COLEC12: variants seen among roughly 807,000 people sequenced by gnomAD.
COLEC12 encodes collectin-12.
COLEC12 carries 33 observed loss-of-function variants against 71.1 expected under a neutral mutation model. That is an observed-to-expected ratio of 0.46 (90% CI 0.35 to 0.62). The LOEUF is 0.62. Among genes scored for constraint, COLEC12 ranks in the 20% least tolerant of loss-of-function variants. The pLI, the probability that COLEC12 is intolerant of heterozygous loss-of-function variation, is 0.00. For missense variants in COLEC12, 765 were observed against 916.1 expected, an observed-to-expected ratio of 0.84 and a Z score of 2.13; for synonymous variants, 350 against 353.0, an observed-to-expected ratio of 0.99 and a Z score of 0.10.
chr18:336,824 C>G (rs1181553250), intron 5 of COLEC12, among the ~76,000 whole-genome samples: 2 of 152,078 alleles, frequency 1.3e-5, no homozygotes, highest in Non-Finnish European at 1.5e-5. Context: ...AAAGGCCACA[C>G]TTAATCTCTC....
At chr18:391,724 C>T (rs906620783) in intron 2 of COLEC12, among the ~76,000 whole-genome samples, 4 of 152,242 alleles carry the variant, frequency 2.6e-5, no homozygotes, top group Admixed American at 2.6e-4. Flanking sequence ...CCACCACACA[C>T]CAAGTTATTT....
intron 1 of COLEC12, among the ~76,000 whole-genome samples, chr18:495,505 A>T (rs754572016): frequency 6.6e-5 from 10 of 152,224 alleles, no homozygotes; most frequent in Non-Finnish European, 1.2e-4. Context: ...AATCAGCGGT[A>T]AGCAAAACCT....
intron 2 of COLEC12, among the ~76,000 whole-genome samples, chr18:410,750 G>A (rs1915877202): frequency 6.6e-6 from 1 of 151,698 alleles, no homozygotes; most frequent in South Asian, 2.1e-4. Context: ...GACTTATAGT[G>A]AAGAAGACAA....
chr18:319,343 TA>T lies in COLEC12; in HGVS notation c.*701del, dbSNP rs1913639426. 5.7e-5 allele frequency: 2 copies of T among 35,314 alleles called. No individual in the cohort carries two copies. The highest frequency in any genetic ancestry group is 1.7e-4 in the Non-Finnish European group (2 of 12,072). 2.2% of individuals were successfully genotyped at this position (35,314 alleles called of 1,614,324 possible). On this transcript the variant is annotated 3_prime_UTR_variant, in exon 10 of 10. Transcript: ENST00000400256. ...CATTAAAAAAAAAAAAAAAAAAAAA[TA>T]TATATATATATATATATATACACAT...
chr18:493,907 C>T (rs1303670264), intron 1 of COLEC12, among the ~76,000 whole-genome samples: 1 of 152,102 alleles, frequency 6.6e-6, no homozygotes, highest in Non-Finnish European at 1.5e-5. Context: ...CATATCCTTA[C>T]TGGATAAAAC....
chr18:358,726 G>T (rs908290534), intron 2 of COLEC12, among the ~76,000 whole-genome samples: 1 of 152,132 alleles, frequency 6.6e-6, no homozygotes, highest in African/African-American at 2.4e-5. Context: ...GGGGACCTCT[G>T]GTATAGACTA....
intron 2 of COLEC12, among the ~76,000 whole-genome samples, chr18:392,112 A>G (rs939466554): frequency 6.6e-6 from 1 of 152,194 alleles, no homozygotes. Context: ...CTCCGTGAAC[A>G]AAGAGCATCC....
rs2143390826 is a variant in COLEC12 at position 318,446 on chromosome 18, A to G, written c.*1599T>C. On this transcript the variant is annotated 3_prime_UTR_variant, in exon 10 of 10. Transcript: ENST00000400256. ...TATTAGACTTTCCAACAGCAAGTCA[A>G]GGAAAGTCAAGGAGCGAAAGGAAGA... The G allele has an allele frequency of 6.6e-6, 1 of 151,542 alleles. No homozygotes were observed. Among genetic ancestry groups the G allele is most frequent in the East Asian group, 1.9e-4 (1 of 5,162 alleles). The allele number at this position is 151,542 out of a possible 1,614,324, so 9.4% of individuals were successfully genotyped here.
intron 5 of COLEC12, among the ~76,000 whole-genome samples, chr18:339,030 C>T (rs1410068085): frequency 5.4e-5 from 8 of 148,934 alleles, no homozygotes; most frequent in Admixed American, 4.0e-4. Flanking sequence ...TTCTCCATCA[C>T]TCACATCTGG....
In COLEC12 at chr18:317,225, TAAAAAC is replaced by T. The variant is rs1037956444; in HGVS notation, c.*2814_*2819del. 2.0e-5 allele frequency: 3 copies of T among 152,126 alleles called. No individual in the cohort carries two copies. The highest frequency in any genetic ancestry group is 2.9e-5 in the Non-Finnish European group (2 of 68,032). The allele number at this position is 152,126 out of a possible 1,614,324, so 9.4% of individuals were successfully genotyped here. A position where few individuals can be genotyped will look rare whatever the true frequency, so the allele number is the denominator to read the frequency against. Reference sequence around the variant, plus strand: ...TGGGTGACAGAGCGAGACTCTGTCTTAAAAACAAAAACAAACAAAAAAGAAACCTGG... The same window carrying T: ...TGGGTGACAGAGCGAGACTCTGTCTTAAAAACAAACAAAAAAGAAACCTGG... On this transcript the variant is annotated 3_prime_UTR_variant, in exon 10 of 10. Coordinates refer to ENST00000400256, the MANE Select transcript of COLEC12 (RefSeq NM_130386.3).
chr18:428,829 A>T (rs1916245754), intron 2 of COLEC12, among the ~76,000 whole-genome samples: 1 of 151,938 alleles, frequency 6.6e-6, no homozygotes, highest in East Asian at 1.9e-4. Flanking sequence ...ATTCAATTAC[A>T]TCAGGTCAAA....
rs74257626 is a variant in COLEC12 at position 340,815 on chromosome 18, G to A, written c.1327+5480C>T. On this transcript the variant is annotated intron_variant, in intron 5 of 9. Coordinates refer to ENST00000400256, the MANE Select transcript of COLEC12 (RefSeq NM_130386.3). Reference sequence around the variant, plus strand: ...GCCTACCATAGGAAAAAGTCATTGCGCTTCACTGAGGTGAAAAGGAATGTA... The same window carrying A: ...GCCTACCATAGGAAAAAGTCATTGCACTTCACTGAGGTGAAAAGGAATGTA... Among the ~76,000 whole-genome samples the A allele has an allele frequency of 0.02, 3,023 of 152,310 alleles. 195 individuals are homozygous for A. In the East Asian group the frequency reaches 0.24, roughly 12 times the overall value.
At chr18:477,630 A>G (rs1029432188) in intron 2 of COLEC12, among the ~76,000 whole-genome samples, 10 of 152,192 alleles carry the variant, frequency 6.6e-5, no homozygotes, top group Non-Finnish European at 1.2e-4. Context: ...AACAGCCCCA[A>G]ATCTCGGGAG....
rs1050034539 is a variant in COLEC12 at position 334,971 on chromosome 18, C to T, written c.1587G>A (p.Pro529=). 145 of 1,560,878 alleles carry T rather than the reference C, an allele frequency of 9.3e-5. 1 individual carries two copies. Among genetic ancestry groups the T allele is most frequent in the South Asian group, 7.8e-4 (66 of 84,730 alleles). ...GGAGTCCCTCTTTGCCTGGTGGGCC[C>T]GGGGGGCCTGGGTCCCCACTGGAGC... ...PQGSSGDPGP[P]GPPGKEGLPG... Residue 529 remains proline, a synonymous_variant, in exon 6 of 10, where the codon CCG becomes CCA. Coordinates refer to ENST00000400256, the MANE Select transcript of COLEC12 (RefSeq NM_130386.3).
At position 319,353 on chromosome 18, in the gene COLEC12, TATATATATATAC is replaced by T. The variant is rs1303413218; in HGVS notation, c.*680_*691del. On this transcript the variant is annotated 3_prime_UTR_variant, in exon 10 of 10. Coordinates refer to ENST00000400256, the MANE Select transcript of COLEC12 (RefSeq NM_130386.3). ...AAAAAAAAAAAAAAATATATATATATATATATATATACACATGTATATTTAATTATTTTTTTA... is the reference window on the plus strand; with the variant it reads ...AAAAAAAAAAAAAAATATATATATATACATGTATATTTAATTATTTTTTTA... 7 of 135,980 alleles carry T rather than the reference TATATATATATAC, an allele frequency of 5.1e-5. No individual in the cohort carries two copies. Among genetic ancestry groups the T allele is most frequent in the South Asian group, 2.4e-4 (1 of 4,124 alleles). 8.4% of individuals were successfully genotyped at this position (135,980 alleles called of 1,614,324 possible).
intron 2 of COLEC12, chr18:424,127 T>G (rs1916152127): frequency 6.6e-6 from 1 of 152,182 alleles, no homozygotes; most frequent in Non-Finnish European, 1.5e-5. Context: ...GAAAGCCCTG[T>G]TATAAATTAC....
chr18:453,956 A>G (rs989591557), intron 2 of COLEC12, among the ~76,000 whole-genome samples: 1 of 152,190 alleles, frequency 6.6e-6, no homozygotes, highest in Non-Finnish European at 1.5e-5. Flanking sequence ...CATCTCCAGG[A>G]CCAGTGTTCT....
intron 1 of COLEC12, among the ~76,000 whole-genome samples, chr18:493,012 G>A (rs905476681): frequency 3.3e-5 from 5 of 152,140 alleles, no homozygotes; most frequent in African/African-American, 1.2e-4. Flanking sequence ...AGACGAGCCT[G>A]AGCAACATAG....
At chr18:457,391 G>T (rs1916893977) in intron 2 of COLEC12, among the ~76,000 whole-genome samples, 1 of 152,138 alleles carries the variant, frequency 6.6e-6, no homozygotes, top group Admixed American at 6.5e-5. Context: ...ACCCTCCCTG[G>T]GGAGCTCTGC....
Sources: gnomAD v4.1 joint callset for allele counts (sites outside exome capture counted in the v4.1 genomes callset) on GRCh38, gnomAD v4.1.1 for gene constraint, MANE v1.5 for transcripts, NCBI Gene and HGNC (gene_info 2026-07-23, HGNC 2026-07-21) for gene names.